Variants in GRIK2 observed in about 807,000 individuals in gnomAD.
GRIK2 encodes the protein glutamate ionotropic receptor kainate type subunit 2.
In GRIK2, 32 loss-of-function variants were observed where a neutral mutation model predicts 100.3. The observed-to-expected ratio is 0.32, with a 90% CI of 0.24 to 0.43. GRIK2 has a LOEUF of 0.43. Ranked by LOEUF, GRIK2 falls within the 20% of genes least tolerant of loss-of-function variation. The pLI, the probability that GRIK2 is intolerant of heterozygous loss-of-function variation, is 1.00. For synonymous variants in GRIK2, 417 were observed against 389.4 expected, an observed-to-expected ratio of 1.07 and a Z score of -0.83; for missense variants, 843 against 1,114.9, an observed-to-expected ratio of 0.76 and a Z score of 3.47.
At chr6:101,604,613 A>C (rs1779363952) in intron 2 of GRIK2, among the ~76,000 whole-genome samples, 1 of 151,898 alleles carries the variant, frequency 6.6e-6, no homozygotes, top group Non-Finnish European at 1.5e-5. Flanking sequence ...GCCACAGGGA[A>C]GTTTCAGAGC....
intron 7 of GRIK2, among the ~76,000 whole-genome samples, chr6:101,780,867 G>A (rs1779039578): frequency 6.6e-6 from 1 of 152,112 alleles, no homozygotes; most frequent in Admixed American, 6.6e-5. Flanking sequence ...AGCAGCAACT[G>A]GATAGAAGCA....
At chr6:101,551,132 C>T (rs2128292481) in intron 2 of GRIK2, among the ~76,000 whole-genome samples, 1 of 152,250 alleles carries the variant, frequency 6.6e-6, no homozygotes, top group South Asian at 2.1e-4. Flanking sequence ...ATGCATGTTT[C>T]CTGAGAGCTT....
At chr6:102,021,117 TTTATG>T (rs1478518251) in intron 14 of GRIK2, among the ~76,000 whole-genome samples, 1 of 151,802 alleles carries the variant, frequency 6.6e-6, no homozygotes, top group East Asian at 1.9e-4. Flanking sequence ...AATTTCACAT[TTTATG>T]TTAGCTTTCT....
At chr6:101,441,492 G>A (rs1048884637) in intron 2 of GRIK2, among the ~76,000 whole-genome samples, 1 of 152,104 alleles carries the variant, frequency 6.6e-6, no homozygotes, top group African/African-American at 2.4e-5. Flanking sequence ...GTATATGCTT[G>A]TGCTACCCAG....
At chr6:102,030,358 C>T (rs1371079528) in intron 14 of GRIK2, among the ~76,000 whole-genome samples, 2 of 151,180 alleles carry the variant, frequency 1.3e-5, no homozygotes, top group Admixed American at 1.3e-4. Context: ...CCAAAATATT[C>T]TTCTATCTGC....
intron 14 of GRIK2, among the ~76,000 whole-genome samples, chr6:102,002,542 ATAT>A (rs1795007618): frequency 1.3e-5 from 2 of 150,570 alleles, no homozygotes; most frequent in Admixed American, 6.6e-5. Context: ...CACTGAGAAC[ATAT>A]TATCTGCTCT....
intron 2 of GRIK2, among the ~76,000 whole-genome samples, chr6:101,572,408 TTAA>T (rs1214777229): frequency 2.0e-5 from 3 of 152,144 alleles, no homozygotes; most frequent in Non-Finnish European, 4.4e-5. Context: ...GTTTTTGTTG[TTAA>T]TGTTTTACTG....
intron 2 of GRIK2, among the ~76,000 whole-genome samples, chr6:101,445,243 GC>G (rs1770310978): frequency 6.6e-6 from 1 of 152,030 alleles, no homozygotes; most frequent in Non-Finnish European, 1.5e-5. Flanking sequence ...TGATGACCCT[GC>G]TCTCTCATGG....
intron 2 of GRIK2, among the ~76,000 whole-genome samples, chr6:101,496,830 G>T (rs1773472181): frequency 6.6e-6 from 1 of 152,108 alleles, no homozygotes. Context: ...ACTCAATTTT[G>T]CTGAAAACCT....
At chr6:101,783,084 T>C (rs1779200619) in intron 7 of GRIK2, among the ~76,000 whole-genome samples, 1 of 152,044 alleles carries the variant, frequency 6.6e-6, no homozygotes, top group East Asian at 1.9e-4. Flanking sequence ...GGTCTCGATC[T>C]CCTGACCTTG....
chr6:101,699,314 T>C (rs1298087108), intron 7 of GRIK2, among the ~76,000 whole-genome samples: 2 of 152,112 alleles, frequency 1.3e-5, no homozygotes, highest in Non-Finnish European at 2.9e-5. Flanking sequence ...TCACTAGTAC[T>C]AGAGCTCAAA....
At chr6:101,722,533 G>A (rs1401374498) in intron 7 of GRIK2, among the ~76,000 whole-genome samples, 2 of 151,980 alleles carry the variant, frequency 1.3e-5, no homozygotes, top group Non-Finnish European at 2.9e-5. Context: ...TCATAGCTCA[G>A]GAATTTATAT....
rs1218075195 is a variant in GRIK2, at chr6:101,985,763, G to A, written c.2086-49578G>A. Among the ~76,000 whole-genome samples the A allele has an allele frequency of 8.6e-5, 13 of 151,670 alleles. No homozygotes were observed. The Admixed American group carries it at 8.6e-4, about 10-fold the overall frequency. On this transcript the variant is annotated intron_variant, in intron 14 of 16. Transcript: ENST00000369134. The stretch of plus-strand genomic sequence containing the variant: ...AGATAATATACATTGTAGTAGAAGG[G>A]TGTGGAAAATAAAATTAAGAAAGAA...
At chr6:101,398,916 G>A (rs1664468391) in intron 1 of GRIK2, 69 bp from the exon 2 acceptor site, 6 of 423,352 alleles carry the variant, frequency 1.4e-5, no homozygotes, top group Non-Finnish European at 2.5e-5. Flanking sequence ...GCTGTGGCTC[G>A]CTATCGACAT....
At chr6:102,046,312 A>C (rs1770884023) in intron 15 of GRIK2, among the ~76,000 whole-genome samples, 1 of 152,082 alleles carries the variant, frequency 6.6e-6, no homozygotes, top group Non-Finnish European at 1.5e-5. Flanking sequence ...CTTGAACTGC[A>C]CTTTTGATAT....
rs533495209 is a variant in GRIK2 at position 101,480,361 on chromosome 6, C to T, written c.115+80969C>T. Reference sequence around the variant, plus strand: ...TCAATCCTGCTATTAAAATATCTGTCAGGATTTCAGTTGGCCTAAACTTCA... The same window carrying T: ...TCAATCCTGCTATTAAAATATCTGTTAGGATTTCAGTTGGCCTAAACTTCA... On this transcript the variant is annotated intron_variant, in intron 2 of 16. Transcript: ENST00000369134. 3.3e-5 allele frequency among the ~76,000 whole-genome samples: 5 copies of T among 152,232 alleles called. No homozygotes were observed. In the South Asian group the frequency reaches 8.3e-4, roughly 25 times the overall value.
intron 4 of GRIK2, among the ~76,000 whole-genome samples, chr6:101,659,567 G>T (rs189054765): frequency 1.3e-5 from 2 of 152,060 alleles, no homozygotes; most frequent in Non-Finnish European, 2.9e-5. Context: ...TCATAGTGTC[G>T]ATGGTCTTTA....
chr6:101,703,082 T>C (rs764988850), intron 7 of GRIK2, among the ~76,000 whole-genome samples: 7 of 151,920 alleles, frequency 4.6e-5, no homozygotes, highest in Non-Finnish European at 1.0e-4. Flanking sequence ...TCAATATTTG[T>C]TGAGTGAAGG....
At position 101,650,419 on chromosome 6, in the gene GRIK2, A is replaced by C. The variant is rs533940285; in HGVS notation, c.541+23782A>C. Among the ~76,000 whole-genome samples the C allele has an allele frequency of 1.3e-3, 193 of 152,226 alleles. 1 individual carries two copies. Among genetic ancestry groups the C allele is most frequent in the African/African-American group, 4.5e-3 (185 of 41,566 alleles). The stretch of plus-strand genomic sequence containing the variant: ...CTTTAACCACCTCCTTTTCAGTTTA[A>C]GTCTCCAAATTCCCCTGTCAAAGAA... On this transcript the variant is annotated intron_variant, in intron 4 of 16. Transcript: ENST00000369134.
Sources: gnomAD v4.1 joint callset for allele counts (sites outside exome capture counted in the v4.1 genomes callset) on GRCh38, gnomAD v4.1.1 for gene constraint, MANE v1.5 for transcripts, NCBI Gene and HGNC (gene_info 2026-07-23, HGNC 2026-07-21) for gene names.